The following CCDC91 variants were observed in gnomAD, a reference collection of about 807,000 sequenced individuals.
CCDC91 encodes coiled-coil domain-containing protein 91.
Under a neutral mutation model 63.2 loss-of-function variants are expected in CCDC91, and 48 were observed. The ratio of observed to expected loss-of-function variants is 0.76; its 90% CI spans 0.60 to 0.97. The LOEUF is 0.97. CCDC91 is among the 50% of genes least tolerant of loss of function. The pLI, the probability that CCDC91 is intolerant of heterozygous loss-of-function variation, is 0.00. For missense variants in CCDC91, 500 were observed against 494.6 expected, an observed-to-expected ratio of 1.01 and a Z score of -0.10; for synonymous variants, 167 against 165.8, an observed-to-expected ratio of 1.01 and a Z score of -0.06.
chr12:28,292,955 GCTT>G (rs1949339618), intron 3 of CCDC91, among the ~76,000 whole-genome samples: 1 of 152,158 alleles, frequency 6.6e-6, no homozygotes, highest in Non-Finnish European at 1.5e-5. Flanking sequence ...TGCTGAGTCA[GCTT>G]CTGGCAAATG....
chr12:28,506,196 G>C (rs746559528), intron 12 of CCDC91, among the ~76,000 whole-genome samples: 1 of 151,958 alleles, frequency 6.6e-6, no homozygotes, highest in Non-Finnish European at 1.5e-5. Flanking sequence ...TTTGTTGAAA[G>C]GTTATCAGAG....
At chr12:28,449,452 G>A (rs1230897844) in intron 8 of CCDC91, among the ~76,000 whole-genome samples, 3 of 151,912 alleles carry the variant, frequency 2.0e-5, no homozygotes, top group African/African-American at 4.8e-5. Flanking sequence ...TTGCCTCATC[G>A]TTATTGGAGA....
intron 12 of CCDC91, among the ~76,000 whole-genome samples, chr12:28,515,224 G>A (rs746528335): frequency 1.3e-5 from 2 of 151,696 alleles, no homozygotes; most frequent in East Asian, 1.9e-4. Flanking sequence ...GGGGGACTTC[G>A]GCAGGGAAAA....
chr12:28,245,625 T>C (rs904228842), intron 1 of CCDC91, among the ~76,000 whole-genome samples: 5 of 152,126 alleles, frequency 3.3e-5, no homozygotes, highest in Admixed American at 2.6e-4. Flanking sequence ...TTAAAAAATT[T>C]ATCCAATTAA....
intron 11 of CCDC91, among the ~76,000 whole-genome samples, chr12:28,455,332 A>G (rs1432261425): frequency 2.0e-5 from 3 of 152,176 alleles, no homozygotes; most frequent in Non-Finnish European, 4.4e-5. Context: ...ATAAAGTCCC[A>G]TGAGCTTAAT....
chr12:28,210,118 C>T (rs532611146), intron 1 of CCDC91, among the ~76,000 whole-genome samples: 72 of 152,270 alleles, frequency 4.7e-4, no homozygotes, highest in African/African-American at 1.7e-3. Context: ...TATATAAAAT[C>T]TCTTTTCTTT....
intron 3 of CCDC91, among the ~76,000 whole-genome samples, chr12:28,266,980 A>G (rs1184250504): frequency 1.3e-5 from 2 of 151,936 alleles, no homozygotes; most frequent in Non-Finnish European, 1.5e-5. Flanking sequence ...AGTATATACA[A>G]TTCTCATCAG....
At chr12:28,202,672 C>A (rs1345272289) in intron 1 of CCDC91, among the ~76,000 whole-genome samples, 2 of 152,204 alleles carry the variant, frequency 1.3e-5, no homozygotes. Flanking sequence ...GCTTTTAGTT[C>A]CCACTTGTAC....
At chr12:28,341,241 G>A (rs1942397602) in intron 6 of CCDC91, among the ~76,000 whole-genome samples, 1 of 152,126 alleles carries the variant, frequency 6.6e-6, no homozygotes, top group Non-Finnish European at 1.5e-5. Context: ...GCATAGGATG[G>A]GGGCATGGCA....
In CCDC91 at chr12:28,306,838, T is replaced by G. The variant is rs1329517431; in HGVS notation, c.364T>G (p.Ser122Ala). 6.2e-7 allele frequency: 1 copy of G among 1,612,316 alleles called. No homozygotes were observed. The highest frequency in any genetic ancestry group is 1.7e-5 in the Admixed American group (1 of 59,930). The part of the protein sequence containing the change: ...SNGTIALVDD[S>A]EDPGANVSNI... ...TGGAACAATTGCCCTTGTGGATGAT[T>G]CTGAGGATCCTGGAGCCAATGTATC... The change falls in exon 5 of 13, where the codon TCT becomes GCT. Residue 122 changes from serine (S) to alanine (A), a missense_variant. Physicochemically the swap from Ser to Ala is moderately conservative, Grantham distance 99. Transcript: ENST00000536442.
At chr12:28,345,256 G>C (rs1942724778) in intron 6 of CCDC91, among the ~76,000 whole-genome samples, 1 of 151,842 alleles carries the variant, frequency 6.6e-6, no homozygotes, top group African/African-American at 2.4e-5. Flanking sequence ...GCGTGTGTTT[G>C]TGTGTATGTA....
intron 7 of CCDC91, among the ~76,000 whole-genome samples, chr12:28,367,921 A>G (rs117568988): frequency 0.021 from 3,254 of 152,268 alleles, 47 homozygotes; most frequent in Non-Finnish European, 0.035. Flanking sequence ...CCTGAACAGG[A>G]AAGGATTCTG....
intron 12 of CCDC91, among the ~76,000 whole-genome samples, chr12:28,520,008 TTG>T (rs1302887535): frequency 2.6e-5 from 4 of 152,104 alleles, no homozygotes; most frequent in Non-Finnish European, 5.9e-5. Context: ...GTCTTTCCTA[TTG>T]TGAATAGTGC....
intron 3 of CCDC91, among the ~76,000 whole-genome samples, chr12:28,301,772 C>A (rs1384181852): frequency 6.6e-6 from 1 of 151,436 alleles, no homozygotes; most frequent in Non-Finnish European, 1.5e-5. Context: ...TTAATCAGAT[C>A]AACTTTTAGA....
intron 3 of CCDC91, among the ~76,000 whole-genome samples, chr12:28,302,284 G>A (rs1938160486): frequency 1.3e-5 from 2 of 152,068 alleles, no homozygotes; most frequent in African/African-American, 4.8e-5. Flanking sequence ...TGGGATAGGT[G>A]TGAAAAGATT....
At chr12:28,360,671 A>G (rs949182135) in intron 6 of CCDC91, among the ~76,000 whole-genome samples, 10 of 152,212 alleles carry the variant, frequency 6.6e-5, no homozygotes, top group Non-Finnish European at 1.2e-4. Flanking sequence ...TTTTGTATTT[A>G]TAAAAGAGAT....
chr12:28,214,726 A>G (rs1203071266), intron 1 of CCDC91, among the ~76,000 whole-genome samples: 1 of 152,206 alleles, frequency 6.6e-6, no homozygotes, highest in Non-Finnish European at 1.5e-5. Flanking sequence ...GGAAATAGAA[A>G]TGTCATTCAA....
chr12:28,483,325 A>G (rs944205340), intron 11 of CCDC91, among the ~76,000 whole-genome samples: 7 of 152,076 alleles, frequency 4.6e-5, no homozygotes, highest in African/African-American at 1.7e-4. Context: ...GATGGGAATG[A>G]AAAGATTTTG....
chr12:28,517,981 G>T (rs1384260595), intron 12 of CCDC91, among the ~76,000 whole-genome samples: 1 of 151,914 alleles, frequency 6.6e-6, no homozygotes, highest in African/African-American at 2.4e-5. Context: ...CATTTTTATG[G>T]CTGAGTAGTA....
Sources: gnomAD v4.1 joint callset for allele counts (sites outside exome capture counted in the v4.1 genomes callset) on GRCh38, gnomAD v4.1.1 for gene constraint, MANE v1.5 for transcripts, NCBI Gene and HGNC (gene_info 2026-07-23, HGNC 2026-07-21) for gene names.